XRCC5: variants seen among roughly 807,000 people sequenced by gnomAD.
XRCC5 encodes DNA repair protein Ku80.
A neutral mutation model predicts 95.7 loss-of-function variants in XRCC5; 12 were observed. That is an observed-to-expected ratio of 0.13 (90% CI 0.08 to 0.20). The LOEUF (loss-of-function observed/expected upper bound fraction) is 0.20. XRCC5 is among the 10% of genes least tolerant of loss of function. The pLI is 1.00. For synonymous variants in XRCC5, 281 were observed against 290.3 expected, an observed-to-expected ratio of 0.97 and a Z score of 0.33; for missense variants, 595 against 873.9, an observed-to-expected ratio of 0.68 and a Z score of 4.02.
At chr2:216,112,278 CCTA>C (rs1696602670) in intron 1 of XRCC5, among the ~76,000 whole-genome samples, 1 of 152,190 alleles carries the variant, frequency 6.6e-6, no homozygotes, top group African/African-American at 2.4e-5. Flanking sequence ...ATGATTGACT[CCTA>C]CTCATTAAGA....
At chr2:216,187,850 CTCTCTCTCTCT>C (rs1689533003) in intron 16 of XRCC5, among the ~76,000 whole-genome samples, 2 of 138,206 alleles carry the variant, frequency 1.4e-5, no homozygotes, top group South Asian at 2.4e-4. Flanking sequence ...CTCTCTCTCT[CTCTCTCTCTCT>C]CCCCGTCTCC....
intron 14 of XRCC5, among the ~76,000 whole-genome samples, chr2:216,150,395 A>T (rs73058471): frequency 0.058 from 8,906 of 152,248 alleles, 834 homozygotes; most frequent in African/African-American, 0.2. Context: ...TGAGCAACTG[A>T]CATCCTTCAC....
At chr2:216,122,753 GAA>G (rs145039527) in intron 6 of XRCC5, among the ~76,000 whole-genome samples, 5 of 132,382 alleles carry the variant, frequency 3.8e-5, no homozygotes, top group Admixed American at 7.6e-5. Context: ...TTGATTGAGT[GAA>G]AAAAAAAAAA....
At chr2:216,199,913 A>T (rs191703170) in intron 19 of XRCC5, among the ~76,000 whole-genome samples, 1 of 146,912 alleles carries the variant, frequency 6.8e-6, no homozygotes, top group Admixed American at 7.1e-5. Context: ...TTATTTTAGC[A>T]CTTATTTTTC....
In XRCC5 at chr2:216,190,226, G is replaced by C; in HGVS notation, c.1836G>C (p.Ala612=). ...AAAATTTGTTGTCTTATGTTTTAGC[G>C]AGTAACCAGCTCATAAATCACATCG... ...VKQKKASFEE[A]SNQLINHIEQ... Residue 612 remains alanine (A), a splice_region_variant and synonymous_variant, in exon 17 of 21, where the codon GCG becomes GCC. Coordinates refer to ENST00000392132, the MANE Select transcript of XRCC5 (RefSeq NM_021141.4). The C allele has an allele frequency of 6.2e-7, 1 of 1,613,304 alleles. No homozygotes were observed. Among genetic ancestry groups the C allele is most frequent in the Non-Finnish European group, 8.5e-7 (1 of 1,179,728 alleles).
intron 10 of XRCC5, among the ~76,000 whole-genome samples, chr2:216,135,927 A>G (rs1697067223): frequency 6.6e-6 from 1 of 152,146 alleles, no homozygotes; most frequent in Non-Finnish European, 1.5e-5. Context: ...GGGGAAAGAT[A>G]GTAAGTTTAG....
chr2:216,133,294 A>G (rs1229822362), intron 10 of XRCC5, among the ~76,000 whole-genome samples: 1 of 152,226 alleles, frequency 6.6e-6, no homozygotes, highest in Non-Finnish European at 1.5e-5. Context: ...GTTGGGAATC[A>G]TGGAAGTCTA....
chr2:216,130,021 A>G (rs41299806), intron 8 of XRCC5, among the ~76,000 whole-genome samples: 6,952 of 152,236 alleles, frequency 0.046, 510 homozygotes, highest in African/African-American at 0.16. Context: ...TCAACAGACT[A>G]ACAGGAACAA....
intron 7 of XRCC5, 91 bp downstream of exon 7, chr2:216,126,122 C>A: frequency 9.9e-7 from 1 of 1,013,328 alleles, no homozygotes; most frequent in Non-Finnish European, 1.5e-6. Flanking sequence ...GTGTGTTACT[C>A]GGAACCATAA....
chr2:216,136,271 G>A (rs1387568620), intron 10 of XRCC5, among the ~76,000 whole-genome samples: 1 of 151,198 alleles, frequency 6.6e-6, no homozygotes, highest in East Asian at 1.9e-4. Context: ...CAGGAAGATC[G>A]CTTGAACCTG....
chr2:216,181,898 A>C (rs1689395819), intron 16 of XRCC5, among the ~76,000 whole-genome samples: 1 of 152,220 alleles, frequency 6.6e-6, no homozygotes. Context: ...AACTTTCTTC[A>C]TAAAATTAGA....
intron 16 of XRCC5, chr2:216,174,953 C>CACAGGA: frequency 3.1e-6 from 1 of 323,138 alleles, no homozygotes; most frequent in African/African-American, 2.2e-5. Context: ...CCACCACCAC[C>CACAGGA]ACAGGAACTC....
intron 16 of XRCC5, among the ~76,000 whole-genome samples, chr2:216,178,549 A>G (rs1174513752): frequency 6.6e-6 from 1 of 152,224 alleles, no homozygotes; most frequent in Non-Finnish European, 1.5e-5. Flanking sequence ...GAAAAGAAAA[A>G]GGTGTACACC....
intron 19 of XRCC5, among the ~76,000 whole-genome samples, chr2:216,202,551 T>G (rs1422289279): frequency 1.3e-5 from 2 of 152,190 alleles, no homozygotes; most frequent in Non-Finnish European, 2.9e-5. Flanking sequence ...AAACAGAAGC[T>G]TCATCACAAT....
intron 10 of XRCC5, among the ~76,000 whole-genome samples, chr2:216,133,745 T>C (rs1426626032): frequency 1.3e-5 from 2 of 152,182 alleles, no homozygotes; most frequent in African/African-American, 2.4e-5. Context: ...AAAGGGATAC[T>C]CTCTAGTGTC....
At chr2:216,173,014 G>GT (rs775972097) in intron 16 of XRCC5, among the ~76,000 whole-genome samples, 3 of 151,972 alleles carry the variant, frequency 2.0e-5, no homozygotes, top group Non-Finnish European at 2.9e-5. Flanking sequence ...GAGTGGAATT[G>GT]TTTTTTAATT....
At chr2:216,183,950 A>G (rs1380429716) in intron 16 of XRCC5, among the ~76,000 whole-genome samples, 1 of 152,168 alleles carries the variant, frequency 6.6e-6, no homozygotes, top group Non-Finnish European at 1.5e-5. Context: ...AAACAAGAAT[A>G]CCAAGAGCAA....
In XRCC5 at chr2:216,136,364, A is replaced by AG. The variant is rs1574460679; in HGVS notation, c.1114-724_1114-723insG. 5.2e-5 allele frequency among the ~76,000 whole-genome samples: 6 copies of AG among 115,402 alleles called. No individual in the cohort carries two copies. In the East Asian group the frequency reaches 1.1e-3, roughly 21 times the overall value. 75.7% of individuals were successfully genotyped at this position (115,402 alleles called of 152,430 possible). ...AGAGCGAAACTGTGTCTCAAAAAAA[A>AG]AAAAAAAGAAATAAAAGAATGTACA... On this transcript the variant is annotated intron_variant, in intron 10 of 20. Transcript: ENST00000392132.
At chr2:216,185,797 G>A (rs1196231353) in intron 16 of XRCC5, among the ~76,000 whole-genome samples, 1 of 150,920 alleles carries the variant, frequency 6.6e-6, no homozygotes, top group Non-Finnish European at 1.5e-5. Flanking sequence ...GCTAATTTTT[G>A]TATTTTTAGT....
Sources: gnomAD v4.1 joint callset for allele counts (sites outside exome capture counted in the v4.1 genomes callset) on GRCh38, gnomAD v4.1.1 for gene constraint, MANE v1.5 for transcripts, NCBI Gene and HGNC (gene_info 2026-07-23, HGNC 2026-07-21) for gene names.